Variants in LRP1B observed in about 807,000 individuals in gnomAD.
LRP1B encodes low-density lipoprotein receptor-related protein 1B.
Under a neutral mutation model 556.6 loss-of-function variants are expected in LRP1B, and 217 were observed. The ratio of observed to expected loss-of-function variants is 0.39; its 90% CI spans 0.35 to 0.44. LRP1B has a LOEUF of 0.44. Among genes scored for constraint, LRP1B ranks in the 20% least tolerant of loss-of-function variants. The pLI, the probability that LRP1B is intolerant of heterozygous loss-of-function variation, is 1.00. For missense variants in LRP1B, 5,053 were observed against 5,620.8 expected (o/e 0.90, Z 3.23); for synonymous variants, 2,047 against 1,865.8 (o/e 1.10, Z -2.50).
intron 11 of LRP1B, among the ~76,000 whole-genome samples, chr2:141,037,084 T>C (rs369817960): frequency 6.6e-6 from 1 of 151,786 alleles, no homozygotes; most frequent in East Asian, 1.9e-4. Flanking sequence ...CATTCTACCA[T>C]TGAGAGAAGG....
intron 1 of LRP1B, among the ~76,000 whole-genome samples, chr2:142,034,156 CA>C (rs1159056078): frequency 1.3e-5 from 2 of 151,676 alleles, no homozygotes; most frequent in African/African-American, 4.8e-5. Flanking sequence ...GTTCCCTTGC[CA>C]CCTAATTGTT....
chr2:141,819,252 CAAACAAAA>C (rs1224865275), intron 1 of LRP1B, among the ~76,000 whole-genome samples: 7 of 132,020 alleles, frequency 5.3e-5, no homozygotes, highest in Admixed American at 2.2e-4. Context: ...AACAAACAAA[CAAACAAAA>C]AAAAAAACAA....
At chr2:140,319,645 G>A (rs1462672675) in intron 82 of LRP1B, among the ~76,000 whole-genome samples, 1 of 152,146 alleles carries the variant, frequency 6.6e-6, no homozygotes, top group Non-Finnish European at 1.5e-5. Flanking sequence ...GGAGGAGGGA[G>A]AGGATTGGGA....
intron 7 of LRP1B, among the ~76,000 whole-genome samples, chr2:141,181,530 T>G (rs145887244): frequency 2.1e-4 from 32 of 151,624 alleles, no homozygotes; most frequent in African/African-American, 6.3e-4. Flanking sequence ...TAACAGACTT[T>G]GAAAATTTAT....
chr2:140,576,341 A>C (rs1031265823), intron 43 of LRP1B, among the ~76,000 whole-genome samples: 20 of 152,316 alleles, frequency 1.3e-4, no homozygotes, highest in Admixed American at 1.1e-3. Flanking sequence ...GAAAGCTTTT[A>C]CTTGCTTTGT....
chr2:141,416,473 A>G (rs79367719), intron 3 of LRP1B, among the ~76,000 whole-genome samples: 8,027 of 116,602 alleles, frequency 0.069, 870 homozygotes, highest in African/African-American at 0.24. Flanking sequence ...TTTTTTTGAG[A>G]CAGGATCTCT....
chr2:141,884,472 A>G (rs1358276734), intron 1 of LRP1B, among the ~76,000 whole-genome samples: 1 of 152,158 alleles, frequency 6.6e-6, no homozygotes, highest in African/African-American at 2.4e-5. Flanking sequence ...ACATATTAGG[A>G]AGTATTTACC....
chr2:141,777,118 G>T (rs1002695881), intron 2 of LRP1B, among the ~76,000 whole-genome samples: 2 of 152,146 alleles, frequency 1.3e-5, no homozygotes, highest in African/African-American at 4.8e-5. Flanking sequence ...AAAGACTTTG[G>T]AGTAGCAGAG....
At chr2:141,425,221 C>T (rs1680313797) in intron 3 of LRP1B, among the ~76,000 whole-genome samples, 1 of 151,858 alleles carries the variant, frequency 6.6e-6, no homozygotes. Flanking sequence ...TTTCCAATTT[C>T]ATCCATGTCC....
At chr2:141,827,965 T>C (rs2105740801) in intron 1 of LRP1B, among the ~76,000 whole-genome samples, 1 of 151,976 alleles carries the variant, frequency 6.6e-6, no homozygotes, top group Non-Finnish European at 1.5e-5. Flanking sequence ...ATCCAGAGAA[T>C]TGACAACAGA....
intron 2 of LRP1B, among the ~76,000 whole-genome samples, chr2:141,654,160 G>A (rs754816982): frequency 3.3e-5 from 5 of 152,180 alleles, no homozygotes; most frequent in Non-Finnish European, 7.4e-5. Context: ...GTGGGTCCAG[G>A]AAATTGGAAT....
At chr2:141,480,275 G>T (rs1203702748) in intron 3 of LRP1B, 121 bp downstream of exon 3, 6 of 1,092,460 alleles carry the variant, frequency 5.5e-6, no homozygotes, top group Admixed American at 2.0e-5. Context: ...TAAAATTCAT[G>T]CTTTCTTAAT....
intron 43 of LRP1B, among the ~76,000 whole-genome samples, chr2:140,545,118 C>T (rs1268997085): frequency 6.7e-6 from 1 of 148,500 alleles, no homozygotes; most frequent in Non-Finnish European, 1.5e-5. Flanking sequence ...CTGTTTATGT[C>T]CTTTGCCCAC....
At chr2:140,516,334 CA>C (rs1689896312) in intron 50 of LRP1B, among the ~76,000 whole-genome samples, 1 of 151,758 alleles carries the variant, frequency 6.6e-6, no homozygotes, top group Non-Finnish European at 1.5e-5. Flanking sequence ...CAATAATTAA[CA>C]TAATATTTAC....
At chr2:140,936,526 T>C (rs1051855406) in intron 20 of LRP1B, among the ~76,000 whole-genome samples, 1 of 152,054 alleles carries the variant, frequency 6.6e-6, no homozygotes, top group East Asian at 1.9e-4. Flanking sequence ...AGACCTTCCC[T>C]GCAAGAAATA....
At chr2:140,485,636 G>C (rs963999223) in intron 58 of LRP1B, 112 bp from the exon 59 acceptor site, 36 of 725,888 alleles carry the variant, frequency 5.0e-5, no homozygotes, top group Non-Finnish European at 7.7e-5. Context: ...GTAAAGAATG[G>C]AACTTAGATA....
intron 2 of LRP1B, among the ~76,000 whole-genome samples, chr2:141,763,941 C>T (rs1694646282): frequency 6.6e-6 from 1 of 152,060 alleles, no homozygotes; most frequent in Admixed American, 6.6e-5. Context: ...GATGGTAATA[C>T]AGATTATTGC....
intron 77 of LRP1B, among the ~76,000 whole-genome samples, chr2:140,344,408 G>A (rs756111894): frequency 5.9e-5 from 9 of 151,522 alleles, no homozygotes; most frequent in Non-Finnish European, 1.3e-4. Context: ...AAGACTGCCT[G>A]ATTTATGAGT....
intron 89 of LRP1B, among the ~76,000 whole-genome samples, chr2:140,237,097 C>G (rs1460088102): frequency 1.3e-5 from 2 of 150,760 alleles, no homozygotes; most frequent in Admixed American, 6.6e-5. Context: ...CCTAACTGTG[C>G]AACAGAACAC....
Sources: allele counts gnomAD v4.1 joint callset (sites outside exome capture counted in the v4.1 genomes callset), GRCh38; gene constraint gnomAD v4.1.1; transcripts MANE v1.5; gene names NCBI Gene and HGNC (gene_info 2026-07-23, HGNC 2026-07-21).